Variants in RIMS2 observed in about 807,000 individuals in gnomAD.
RIMS2 encodes regulating synaptic membrane exocytosis 2.
RIMS2 carries 59 observed loss-of-function variants against 174.4 expected under a neutral mutation model. That is an observed-to-expected ratio of 0.34 (90% CI 0.27 to 0.42). The LOEUF is 0.42. Among genes scored for constraint, RIMS2 ranks in the 10% least tolerant of loss-of-function variants. The pLI is 1.00. For missense variants in RIMS2, 1,620 were observed against 1,666.3 expected (o/e 0.97, Z 0.48); for synonymous variants, 606 against 572.5 (o/e 1.06, Z -0.84).
At chr8:103,874,958 T>TTTTG (rs963070426) in intron 3 of RIMS2, among the ~76,000 whole-genome samples, 12 of 152,156 alleles carry the variant, frequency 7.9e-5, no homozygotes, top group East Asian at 1.9e-4. Flanking sequence ...ACCACACTTT[T>TTTTG]TTTGTTTGTT....
chr8:104,044,012 G>A (rs939007247), intron 19 of RIMS2, among the ~76,000 whole-genome samples: 12 of 151,600 alleles, frequency 7.9e-5, no homozygotes, highest in Non-Finnish European at 1.3e-4. Flanking sequence ...TGCTGATACC[G>A]TTTCTGGGAT....
chr8:103,592,682 T>C (rs1378162142), intron 1 of RIMS2, among the ~76,000 whole-genome samples: 1 of 151,412 alleles, frequency 6.6e-6, no homozygotes, highest in Non-Finnish European at 1.5e-5. Flanking sequence ...TTTATGGTTT[T>C]TTATATTTAC....
At chr8:103,841,617 A>G (rs947412988) in intron 3 of RIMS2, among the ~76,000 whole-genome samples, 17 of 152,154 alleles carry the variant, frequency 1.1e-4, no homozygotes, top group Non-Finnish European at 2.4e-4. Flanking sequence ...GATGGTTCTG[A>G]TGTTTCAGCA....
chr8:104,085,197 G>A (rs145359791), intron 19 of RIMS2, among the ~76,000 whole-genome samples: 5 of 152,248 alleles, frequency 3.3e-5, no homozygotes, highest in African/African-American at 9.6e-5. Flanking sequence ...ACAGCCCAGG[G>A]CTGGTACTAT....
intron 8 of RIMS2, 22 bp from the exon 12 acceptor site, chr8:103,918,418 CT>C (rs200834695): frequency 0.029 from 30,653 of 1,070,634 alleles, 268 homozygotes; most frequent in African/African-American, 0.15. Context: ...TTCTGTCTTT[CT>C]TTTTTTTTTT....
At chr8:103,583,197 T>C (rs765483617) in intron 1 of RIMS2, among the ~76,000 whole-genome samples, 6 of 152,232 alleles carry the variant, frequency 3.9e-5, no homozygotes, top group Non-Finnish European at 8.8e-5. Flanking sequence ...GTGGTACCTC[T>C]ATGAGTTTGT....
At chr8:103,794,275 A>G (rs1207681932) in intron 3 of RIMS2, among the ~76,000 whole-genome samples, 3 of 152,136 alleles carry the variant, frequency 2.0e-5, no homozygotes, top group Non-Finnish European at 2.9e-5. Flanking sequence ...CAGAAAGAAT[A>G]CCACACATCT....
chr8:104,105,970 C>T (rs562275128), intron 19 of RIMS2, among the ~76,000 whole-genome samples: 18 of 123,404 alleles, frequency 1.5e-4, no homozygotes, highest in Non-Finnish European at 2.1e-4. Flanking sequence ...AACTGGGAGG[C>T]GGAGGTTGCA....
chr8:104,196,520 G>T (rs1185900337), intron 19 of RIMS2, among the ~76,000 whole-genome samples: 1 of 151,764 alleles, frequency 6.6e-6, no homozygotes, highest in African/African-American at 2.4e-5. Context: ...TTAATTTCTA[G>T]TGAAAACTAG....
intron 3 of RIMS2, among the ~76,000 whole-genome samples, chr8:103,829,528 T>C (rs1043067368): frequency 2.6e-5 from 4 of 152,168 alleles, no homozygotes; most frequent in African/African-American, 7.2e-5. Flanking sequence ...TATACAGCCA[T>C]AGAAAGTATG....
intron 1 of RIMS2, among the ~76,000 whole-genome samples, chr8:103,597,971 T>C (rs1290664523): frequency 6.6e-6 from 1 of 152,200 alleles, no homozygotes; most frequent in African/African-American, 2.4e-5. Context: ...TGCATTTCTA[T>C]AAGTATATAT....
intron 1 of RIMS2, among the ~76,000 whole-genome samples, chr8:103,602,227 T>A (rs1349275678): frequency 6.6e-6 from 1 of 152,128 alleles, no homozygotes; most frequent in Non-Finnish European, 1.5e-5. Context: ...GACCTCATGA[T>A]CCGCCCGCCT....
intron 17 of RIMS2, among the ~76,000 whole-genome samples, chr8:104,002,775 T>C (rs2095437979): frequency 6.6e-6 from 1 of 152,116 alleles, no homozygotes; most frequent in Non-Finnish European, 1.5e-5. Context: ...CTCTCTACCC[T>C]GGGGTATAAC....
At chr8:103,809,324 A>T (rs1410056134) in intron 3 of RIMS2, among the ~76,000 whole-genome samples, 7 of 151,946 alleles carry the variant, frequency 4.6e-5, no homozygotes, top group Non-Finnish European at 1.5e-5. Context: ...ATTTCAAGGT[A>T]ACCTGTTATT....
chr8:104,214,699 T>C (rs1444184462), intron 19 of RIMS2, among the ~76,000 whole-genome samples: 2 of 152,194 alleles, frequency 1.3e-5, no homozygotes, highest in African/African-American at 4.8e-5. Context: ...CTGCCCATCT[T>C]GGCCTCCCAA....
intron 1 of RIMS2, among the ~76,000 whole-genome samples, chr8:103,603,946 GT>G (rs2094902956): frequency 6.9e-6 from 1 of 144,850 alleles, no homozygotes; most frequent in Non-Finnish European, 1.5e-5. Flanking sequence ...CATTTTGTAG[GT>G]TGCCTGTTCA....
At chr8:103,999,175 T>C (rs1407600152) in intron 17 of RIMS2, among the ~76,000 whole-genome samples, 1 of 151,730 alleles carries the variant, frequency 6.6e-6, no homozygotes. Context: ...ACTTCCTTCA[T>C]CCCTATGAAA....
intron 3 of RIMS2, among the ~76,000 whole-genome samples, chr8:103,809,042 C>A (rs1351888055): frequency 6.6e-6 from 1 of 152,178 alleles, no homozygotes; most frequent in Admixed American, 6.6e-5. Flanking sequence ...ATCAGAATCT[C>A]AACAGTTTTC....
chr8:104,011,907 GA>G (rs1467061940), intron 17 of RIMS2, among the ~76,000 whole-genome samples: 4 of 151,980 alleles, frequency 2.6e-5, no homozygotes, highest in African/African-American at 9.6e-5. Flanking sequence ...AAAGATGTTA[GA>G]CTAAAAACAT....
Sources: allele counts gnomAD v4.1 joint callset (sites outside exome capture counted in the v4.1 genomes callset), GRCh38; gene constraint gnomAD v4.1.1; transcripts MANE v1.5; gene names NCBI Gene and HGNC (gene_info 2026-07-23, HGNC 2026-07-21).